ARHGAP44: variants seen among roughly 807,000 people sequenced by gnomAD.
ARHGAP44 encodes the protein Rho GTPase activating protein 44.
In ARHGAP44, 43 loss-of-function variants were observed where a neutral mutation model predicts 106.8. That is an observed-to-expected ratio of 0.40 (90% CI 0.32 to 0.52). The LOEUF is 0.52. Among genes scored for constraint, ARHGAP44 ranks in the 20% least tolerant of loss-of-function variants. ARHGAP44 has a pLI of 0.48. For missense variants in ARHGAP44, 866 were observed against 1,050.5 expected (o/e 0.82, Z 2.43); for synonymous variants, 439 against 410.3 (o/e 1.07, Z -0.85).
At chr17:12,797,389 A>G (rs944901845) in intron 1 of ARHGAP44, among the ~76,000 whole-genome samples, 1 of 152,212 alleles carries the variant, frequency 6.6e-6, no homozygotes, top group African/African-American at 2.4e-5. Flanking sequence ...CATACCCACC[A>G]TATTGAAGTA....
At chr17:12,823,000 T>C (rs2034815393) in intron 1 of ARHGAP44, among the ~76,000 whole-genome samples, 1 of 152,176 alleles carries the variant, frequency 6.6e-6, no homozygotes, top group Admixed American at 6.5e-5. Flanking sequence ...AACTCAGAAA[T>C]CGGCCTGGGT....
intron 3 of ARHGAP44, among the ~76,000 whole-genome samples, chr17:12,896,856 C>G (rs1316674537): frequency 6.6e-6 from 1 of 152,192 alleles, no homozygotes; most frequent in Non-Finnish European, 1.5e-5. Context: ...CCTGATTCAG[C>G]TCATTCATAG....
chr17:12,915,613 T>C (rs1473462671), intron 4 of ARHGAP44, among the ~76,000 whole-genome samples: 1 of 152,212 alleles, frequency 6.6e-6, no homozygotes. Context: ...TCCTCAGAGA[T>C]AGAAGCATGT....
chr17:12,867,360 C>T (rs528821903), intron 1 of ARHGAP44, among the ~76,000 whole-genome samples: 7 of 152,176 alleles, frequency 4.6e-5, no homozygotes, highest in Non-Finnish European at 7.4e-5. Context: ...CATAGCCCTG[C>T]CCTGCTAGAA....
chr17:12,860,288 G>T (rs965377976), intron 1 of ARHGAP44, among the ~76,000 whole-genome samples: 5 of 152,152 alleles, frequency 3.3e-5, no homozygotes, highest in Non-Finnish European at 5.9e-5. Flanking sequence ...ATACTTTAAA[G>T]AATTCCTTAT....
At chr17:12,919,387 CTTTTTTTT>C (rs375129968) in intron 5 of ARHGAP44, among the ~76,000 whole-genome samples, 1 of 136,092 alleles carries the variant, frequency 7.3e-6, no homozygotes, top group Non-Finnish European at 1.5e-5. Context: ...AATAGTTCTT[CTTTTTTTT>C]TTTTTTTTGA....
chr17:12,910,446 C>CTT (rs3076662), intron 4 of ARHGAP44, among the ~76,000 whole-genome samples: 2,678 of 93,484 alleles, frequency 0.029, 283 homozygotes, highest in African/African-American at 0.093. Context: ...CTTATGTAGC[C>CTT]TTTTTTTTTT....
chr17:12,977,843 T>C (rs1280168869), intron 18 of ARHGAP44, among the ~76,000 whole-genome samples: 2 of 151,932 alleles, frequency 1.3e-5, no homozygotes, highest in Non-Finnish European at 2.9e-5. Context: ...ATCGAGGCCA[T>C]CCTGGCCAAC....
chr17:12,949,087 TTTGATG>T lies in ARHGAP44; in HGVS notation c.862-49_862-44del. On this transcript the variant is annotated intron_variant, in intron 10 of 20. Coordinates refer to ENST00000379672, the MANE Select transcript of ARHGAP44 (RefSeq NM_014859.6). The surrounding 1 kb of genome is among the most constrained non-coding windows in gnomAD (Gnocchi z 4.1). Reference sequence around the variant, plus strand: ...GCAGGCAGTTGCGGGGTCTCTGCGCTTTGATGTTGTACCTTGGAGTTGCTGTGCGCT... The same window carrying T: ...GCAGGCAGTTGCGGGGTCTCTGCGCTTTGTACCTTGGAGTTGCTGTGCGCT... 1 of 1,509,466 alleles carries T rather than the reference TTTGATG, an allele frequency of 6.6e-7. No homozygotes were observed. Among genetic ancestry groups the T allele is most frequent in the Non-Finnish European group, 9.0e-7 (1 of 1,112,000 alleles). 93.5% of individuals were successfully genotyped at this position (1,509,466 alleles called of 1,614,324 possible).
At chr17:12,914,560 C>T (rs1166882672) in intron 4 of ARHGAP44, among the ~76,000 whole-genome samples, 5 of 152,136 alleles carry the variant, frequency 3.3e-5, no homozygotes, top group East Asian at 1.9e-4. Context: ...TTTGGGAGGC[C>T]GAGGTGGGTG....
intron 4 of ARHGAP44, among the ~76,000 whole-genome samples, chr17:12,913,624 C>T (rs115875671): frequency 6.8e-4 from 103 of 151,922 alleles, no homozygotes; most frequent in African/African-American, 2.3e-3. Flanking sequence ...AGATATAAGA[C>T]ACCATTAAGC....
At chr17:12,937,455 C>T (rs558196508) in intron 7 of ARHGAP44, among the ~76,000 whole-genome samples, 59 of 152,268 alleles carry the variant, frequency 3.9e-4, no homozygotes, top group African/African-American at 1.4e-3. Context: ...TCCATCAACT[C>T]GTCAATTACA....
intron 1 of ARHGAP44, among the ~76,000 whole-genome samples, chr17:12,824,406 G>A (rs2034860454): frequency 1.3e-5 from 2 of 152,078 alleles, no homozygotes; most frequent in Admixed American, 6.5e-5. Flanking sequence ...TAATGTCCAG[G>A]AAAGAAGTTC....
At chr17:12,979,915 T>G in intron 18 of ARHGAP44, 143 bp from the exon 19 acceptor site, 3 of 858,864 alleles carry the variant, frequency 3.5e-6, no homozygotes, top group South Asian at 2.4e-5. Context: ...CTGCGAAGGT[T>G]TTAGGAAGGG....
intron 9 of ARHGAP44, 122 bp downstream of exon 9, chr17:12,943,791 A>G (rs1259648811): frequency 1.8e-6 from 2 of 1,107,680 alleles, no homozygotes; most frequent in Non-Finnish European, 2.7e-6. Context: ...CCTGTAGATG[A>G]GCCTTTTGGA....
chr17:12,978,137 G>C (rs1433638008), intron 18 of ARHGAP44, among the ~76,000 whole-genome samples: 1 of 151,514 alleles, frequency 6.6e-6, no homozygotes. Context: ...GAAGGAAGAA[G>C]AGTCTACCCA....
At chr17:12,833,195 A>G (rs578218037) in intron 1 of ARHGAP44, among the ~76,000 whole-genome samples, 1 of 152,308 alleles carries the variant, frequency 6.6e-6, no homozygotes, top group South Asian at 2.1e-4. Context: ...AAGAAAGGGG[A>G]CCAAGTAAGA....
chr17:12,975,725 G>A (rs1020987687), intron 18 of ARHGAP44, among the ~76,000 whole-genome samples: 4 of 149,666 alleles, frequency 2.7e-5, no homozygotes, highest in African/African-American at 9.9e-5. Context: ...GTGAACCCAG[G>A]AGGCGGAGCT....
chr17:12,947,499 G>T (rs2038885298), intron 10 of ARHGAP44, among the ~76,000 whole-genome samples: 1 of 152,156 alleles, frequency 6.6e-6, no homozygotes, highest in African/African-American at 2.4e-5. Context: ...CTCAACCTCA[G>T]TGAGGACTCC....
Sources: allele counts gnomAD v4.1 joint callset (sites outside exome capture counted in the v4.1 genomes callset), GRCh38; gene constraint gnomAD v4.1.1; non-coding constraint Gnocchi (gnomAD v3.1); transcripts MANE v1.5; gene names NCBI Gene and HGNC (gene_info 2026-07-23, HGNC 2026-07-21).